MPHOSPH6: variants seen among roughly 807,000 people sequenced by gnomAD.
MPHOSPH6 encodes M-phase phosphoprotein 6.
MPHOSPH6 carries 25 observed loss-of-function variants against 21.8 expected under a neutral mutation model. That is an observed-to-expected ratio of 1.15 (90% CI 0.83 to 1.60). MPHOSPH6 has a LOEUF of 1.60. Among genes scored for constraint, MPHOSPH6 ranks in the 40% most tolerant of loss-of-function variants. The pLI is 0.00. For synonymous variants in MPHOSPH6, 84 were observed against 56.5 expected, an observed-to-expected ratio of 1.49 and a Z score of -2.18; for missense variants, 269 against 181.8, an observed-to-expected ratio of 1.48 and a Z score of -2.76.
At chr16:82,158,784 A>C (rs1209327370) in intron 2 of MPHOSPH6, among the ~76,000 whole-genome samples, 1 of 152,214 alleles carries the variant, frequency 6.6e-6, no homozygotes, top group Non-Finnish European at 1.5e-5. Context: ...CTTGGGCTTG[A>C]TAGCTTCCCA....
At chr16:82,163,253 AT>A (rs781220985) in intron 2 of MPHOSPH6, among the ~76,000 whole-genome samples, 3 of 152,264 alleles carry the variant, frequency 2.0e-5, no homozygotes, top group Non-Finnish European at 4.4e-5. Context: ...ATCTTCAGTC[AT>A]TTGACCAAAG....
rs1211078633 is a variant in MPHOSPH6, at chr16:82,148,455, A to C, written c.*276T>G. On this transcript the variant is annotated 3_prime_UTR_variant, in exon 5 of 5. Coordinates refer to ENST00000258169, the MANE Select transcript of MPHOSPH6 (RefSeq NM_005792.2). ...AGTGACTGGAGAACTATATTAAGAG[A>C]AACCTGAGGTAAAAAAAATCTTTAG... 1.0e-5 allele frequency: 3 copies of C among 301,390 alleles called. No homozygotes were observed. The highest frequency in any genetic ancestry group is 2.1e-5 in the African/African-American group (1 of 46,870). The allele number at this position is 301,390 out of a possible 1,614,324, so 18.7% of individuals were successfully genotyped here. A position where few individuals can be genotyped will look rare whatever the true frequency, so the allele number is the denominator to read the frequency against.
chr16:82,163,482 C>G (rs1362264747), intron 2 of MPHOSPH6, among the ~76,000 whole-genome samples: 1 of 152,168 alleles, frequency 6.6e-6, no homozygotes, highest in South Asian at 2.1e-4. Flanking sequence ...TGAAGCTGGG[C>G]AAGTTACCCT....
At chr16:82,149,203 G>A (rs1286801133) in intron 4 of MPHOSPH6, 106 bp downstream of exon 4, 4 of 1,159,998 alleles carry the variant, frequency 3.4e-6, no homozygotes, top group Non-Finnish European at 5.1e-6. Flanking sequence ...GTCCTACTGG[G>A]GGACTCCCTT....
rs945085704 is a variant in MPHOSPH6, at chr16:82,165,121, A to AT, written c.52-928dup. On this transcript the variant is annotated intron_variant, in intron 1 of 4. Coordinates refer to ENST00000258169, the MANE Select transcript of MPHOSPH6 (RefSeq NM_005792.2). ...TATTCAGGTCCGATATTTCTTTTTTATTTTTTTTTTTATTTTTTTTTTTTG... is the reference window on the plus strand; with the variant it reads ...TATTCAGGTCCGATATTTCTTTTTTATTTTTTTTTTTTATTTTTTTTTTTTG... Among the ~76,000 whole-genome samples the AT allele has an allele frequency of 2.0e-3, 98 of 48,632 alleles. 5 individuals carry two copies. The highest frequency in any genetic ancestry group is 3.5e-3 in the Non-Finnish European group (80 of 22,572). 31.9% of individuals were successfully genotyped at this position (48,632 alleles called of 152,430 possible).
intron 1 of MPHOSPH6, chr16:82,167,579 T>G (rs1906825007): frequency 6.3e-6 from 1 of 158,204 alleles, no homozygotes; most frequent in African/African-American, 2.4e-5. Flanking sequence ...CTTGTTTTCC[T>G]GAAACTAGAC....
intron 2 of MPHOSPH6, among the ~76,000 whole-genome samples, chr16:82,155,219 C>T (rs1009999141): frequency 6.6e-6 from 1 of 152,194 alleles, no homozygotes; most frequent in Admixed American, 6.5e-5. Context: ...TTGACGAAAA[C>T]AGCACTTCAT....
intron 1 of MPHOSPH6, among the ~76,000 whole-genome samples, chr16:82,169,454 G>C (rs1269987326): frequency 6.6e-6 from 1 of 152,172 alleles, no homozygotes; most frequent in Non-Finnish European, 1.5e-5. Context: ...TCTGCCAGCA[G>C]ACTGTCTTTG....
chr16:82,148,601 T>A lies in MPHOSPH6; in HGVS notation c.*130A>T. On this transcript the variant is annotated 3_prime_UTR_variant, in exon 5 of 5. Coordinates refer to ENST00000258169, the MANE Select transcript of MPHOSPH6 (RefSeq NM_005792.2). ...ACATCTGTTTCAAAAACAGCATGTT[T>A]CTAAAATGATAATCTCTTTACAAGT... is the stretch of plus-strand genomic sequence containing the variant. 1 of 1,177,210 alleles carries A rather than the reference T, an allele frequency of 8.5e-7. No individual in the cohort carries two copies. Among genetic ancestry groups the A allele is most frequent in the Non-Finnish European group, 1.2e-6 (1 of 867,934 alleles). The allele number at this position is 1,177,210 out of a possible 1,614,324, so 72.9% of individuals were successfully genotyped here.
intron 2 of MPHOSPH6, among the ~76,000 whole-genome samples, chr16:82,160,363 C>T (rs1906568974): frequency 6.6e-6 from 1 of 152,120 alleles, no homozygotes; most frequent in East Asian, 1.9e-4. Flanking sequence ...CTGGACTTGC[C>T]TAAAGCCACA....
At chr16:82,164,484 C>G (rs1254206879) in intron 1 of MPHOSPH6, among the ~76,000 whole-genome samples, 2 of 152,264 alleles carry the variant, frequency 1.3e-5, no homozygotes, top group African/African-American at 4.8e-5. Context: ...ACAGAGCCCA[C>G]TGGCTTTGGC....
chr16:82,164,623 G>A (rs1224973489), intron 1 of MPHOSPH6: 1 of 157,964 alleles, frequency 6.3e-6, no homozygotes, highest in African/African-American at 2.4e-5. Context: ...TGTCCTAAAT[G>A]CTTCCATGGC....
chr16:82,152,579 A>G (rs1906299367), intron 2 of MPHOSPH6, among the ~76,000 whole-genome samples: 1 of 152,166 alleles, frequency 6.6e-6, no homozygotes, highest in Non-Finnish European at 1.5e-5. Flanking sequence ...GCAGAATTGG[A>G]AGACGGGCAG....
intron 2 of MPHOSPH6, among the ~76,000 whole-genome samples, chr16:82,152,578 G>C (rs1198035424): frequency 2.6e-5 from 4 of 152,176 alleles, no homozygotes; most frequent in Non-Finnish European, 4.4e-5. Context: ...GGCAGAATTG[G>C]AAGACGGGCA....
chr16:82,152,680 C>T (rs2142405829), intron 2 of MPHOSPH6, among the ~76,000 whole-genome samples: 1 of 152,286 alleles, frequency 6.6e-6, no homozygotes, highest in African/African-American at 2.4e-5. Context: ...CGGGGCTGAG[C>T]ACGACACCAC....
At chr16:82,150,546 G>C (rs1243482727) in intron 3 of MPHOSPH6, among the ~76,000 whole-genome samples, 1 of 152,196 alleles carries the variant, frequency 6.6e-6, no homozygotes, top group Admixed American at 6.5e-5. Flanking sequence ...GTGGCTCCTA[G>C]AGAAGTGGTT....
Position 82,149,310 on chromosome 16 carries a change from T to G in MPHOSPH6, c.349A>C (p.Arg117=). Residue 117 remains arginine, a splice_region_variant and synonymous_variant, in exon 4 of 5, where the codon AGA becomes CGA. Coordinates refer to ENST00000258169, the MANE Select transcript of MPHOSPH6 (RefSeq NM_005792.2). ...AAGGCTGCTGCGCAGCACGGTTACC[T>G]TCTAGCCATCTCTTCATCTGACACA... ...LDVSDEEMAR[R]YETLVGTIGK... 1 of 1,613,144 alleles carries G rather than the reference T, an allele frequency of 6.2e-7. No individual in the cohort carries two copies. The highest frequency in any genetic ancestry group is 8.5e-7 in the Non-Finnish European group (1 of 1,179,938).
At chr16:82,153,363 C>A (rs973844235) in intron 2 of MPHOSPH6, among the ~76,000 whole-genome samples, 22 of 152,026 alleles carry the variant, frequency 1.4e-4, no homozygotes, top group African/African-American at 5.1e-4. Context: ...ATGAACAAAT[C>A]CAAGCATATG....
chr16:82,165,714 G>A (rs949926337), intron 1 of MPHOSPH6, among the ~76,000 whole-genome samples: 1 of 24,546 alleles, frequency 4.1e-5, no homozygotes, highest in Non-Finnish European at 1.9e-4. Flanking sequence ...ACAGTAGCAT[G>A]CTGTATAGGT....
Sources: gnomAD v4.1 joint callset for allele counts (sites outside exome capture counted in the v4.1 genomes callset) on GRCh38, gnomAD v4.1.1 for gene constraint, MANE v1.5 for transcripts, NCBI Gene and HGNC (gene_info 2026-07-23, HGNC 2026-07-21) for gene names.